The following ZFPM2 variants were observed in gnomAD, a reference collection of about 807,000 sequenced individuals.
ZFPM2 encodes the protein zinc finger protein ZFPM2.
Under a neutral mutation model 98.6 loss-of-function variants are expected in ZFPM2, and 20 were observed. The ratio of observed to expected loss-of-function variants is 0.20; its 90% CI spans 0.14 to 0.29. The LOEUF (loss-of-function observed/expected upper bound fraction) is 0.29. ZFPM2 is among the 10% of genes least tolerant of loss of function. The probability of loss-of-function intolerance (pLI) is 1.00; values close to 1 mark genes in which losing one functional copy is unlikely to be tolerated. For missense variants in ZFPM2, 1,310 were observed against 1,388.6 expected, an observed-to-expected ratio of 0.94 and a Z score of 0.90; for synonymous variants, 518 against 502.7, an observed-to-expected ratio of 1.03 and a Z score of -0.41.
At chr8:105,535,462 T>A (rs1814429670) in intron 3 of ZFPM2, among the ~76,000 whole-genome samples, 1 of 152,152 alleles carries the variant, frequency 6.6e-6, no homozygotes, top group African/African-American at 2.4e-5. Context: ...ATGTTGCATA[T>A]AATAAACAGG....
In ZFPM2 at chr8:105,512,916, CT is replaced by C. The variant is rs563816167; in HGVS notation, c.302-48440del. On this transcript the variant is annotated intron_variant, in intron 3 of 7. Coordinates refer to ENST00000407775, the MANE Select transcript of ZFPM2 (RefSeq NM_012082.4). ...TGTGTGTGCATGTTTCAAAATTTTT[CT>C]TTTTTTCACCTTTTAAATGTAGAAA... Among the ~76,000 whole-genome samples the C allele has an allele frequency of 4.0e-3, 606 of 152,078 alleles. 5 individuals carry two copies. The highest frequency in any genetic ancestry group is 0.014 in the African/African-American group (580 of 41,510).
chr8:105,480,983 C>CACGT (rs1813105008), intron 3 of ZFPM2, among the ~76,000 whole-genome samples: 1 of 152,098 alleles, frequency 6.6e-6, no homozygotes, highest in Non-Finnish European at 1.5e-5. Context: ...AACTCCTGAC[C>CACGT]ACGTGATCCA....
chr8:105,744,269 C>T (rs115320672), intron 5 of ZFPM2, among the ~76,000 whole-genome samples: 252 of 152,162 alleles, frequency 1.7e-3, no homozygotes, highest in African/African-American at 5.8e-3. Flanking sequence ...CCATGGTGCA[C>T]AAAATATGTG....
At chr8:105,748,842 A>G (rs1206763862) in intron 5 of ZFPM2, among the ~76,000 whole-genome samples, 2 of 152,086 alleles carry the variant, frequency 1.3e-5, no homozygotes. Flanking sequence ...GGAAAAAAAT[A>G]AAAAGAATTG....
intron 3 of ZFPM2, among the ~76,000 whole-genome samples, chr8:105,556,218 A>T (rs374309905): frequency 5.3e-5 from 8 of 152,218 alleles, no homozygotes; most frequent in African/African-American, 1.4e-4. Flanking sequence ...AAATGCTGAT[A>T]AGAAGGGTGA....
chr8:105,380,705 A>ATATATATATTATATATAACATATAT (rs1554599633), intron 1 of ZFPM2, among the ~76,000 whole-genome samples: 1 of 16,000 alleles, frequency 6.3e-5, no homozygotes, highest in Non-Finnish European at 9.9e-5. Context: ...AACATATATA[A>ATATATATATTATATATAACATATAT]TATATATATA....
intron 5 of ZFPM2, among the ~76,000 whole-genome samples, chr8:105,764,511 C>A (rs2131078655): frequency 6.6e-6 from 1 of 151,266 alleles, no homozygotes; most frequent in South Asian, 2.1e-4. Flanking sequence ...TGAATCAATA[C>A]TTTTATTTAG....
intron 3 of ZFPM2, among the ~76,000 whole-genome samples, chr8:105,547,888 T>G (rs995111466): frequency 2.0e-5 from 3 of 152,202 alleles, no homozygotes; most frequent in African/African-American, 7.2e-5. Flanking sequence ...GATGCAGTTT[T>G]ACAAATATCC....
At chr8:105,504,301 AGAG>A (rs1271955166) in intron 3 of ZFPM2, among the ~76,000 whole-genome samples, 2 of 152,212 alleles carry the variant, frequency 1.3e-5, no homozygotes, top group Admixed American at 1.3e-4. Flanking sequence ...CAGCAGGAGC[AGAG>A]GAGAAGTGGA....
At chr8:105,743,463 C>T (rs780556118) in intron 5 of ZFPM2, among the ~76,000 whole-genome samples, 6 of 152,062 alleles carry the variant, frequency 3.9e-5, no homozygotes, top group South Asian at 2.1e-4. Context: ...CTATGCATGT[C>T]GGGAAAGAAT....
intron 3 of ZFPM2, among the ~76,000 whole-genome samples, chr8:105,499,994 C>T (rs539907941): frequency 6.6e-6 from 1 of 152,240 alleles, no homozygotes; most frequent in Admixed American, 6.5e-5. Context: ...ATCTTGGATA[C>T]GTTTTGTTTC....
chr8:105,520,483 G>A (rs2130544611), intron 3 of ZFPM2, among the ~76,000 whole-genome samples: 1 of 152,184 alleles, frequency 6.6e-6, no homozygotes, highest in South Asian at 2.1e-4. Flanking sequence ...GTAACACTAA[G>A]AGAAAAAATA....
At chr8:105,710,134 A>AT (rs918594782) in intron 5 of ZFPM2, among the ~76,000 whole-genome samples, 1 of 151,650 alleles carries the variant, frequency 6.6e-6, no homozygotes, top group Non-Finnish European at 1.5e-5. Context: ...TTCAACTGAG[A>AT]TAAAAAAAAC....
chr8:105,774,015 A>G (rs1813042157), intron 5 of ZFPM2, among the ~76,000 whole-genome samples: 1 of 152,210 alleles, frequency 6.6e-6, no homozygotes, highest in South Asian at 2.1e-4. Flanking sequence ...TTAGCGTCTG[A>G]CAGTTTTCAT....
At chr8:105,547,975 G>A (rs957952240) in intron 3 of ZFPM2, among the ~76,000 whole-genome samples, 8 of 151,448 alleles carry the variant, frequency 5.3e-5, no homozygotes, top group Non-Finnish European at 8.8e-5. Flanking sequence ...TTTTAACCAT[G>A]TGAAGTTTTG....
At chr8:105,714,050 G>T (rs1811463130) in intron 5 of ZFPM2, among the ~76,000 whole-genome samples, 1 of 152,074 alleles carries the variant, frequency 6.6e-6, no homozygotes, top group Non-Finnish European at 1.5e-5. Context: ...GTTTTGGGCA[G>T]TATGGACATT....
At chr8:105,752,640 T>C (rs1260712224) in intron 5 of ZFPM2, among the ~76,000 whole-genome samples, 3 of 152,278 alleles carry the variant, frequency 2.0e-5, no homozygotes, top group Middle Eastern at 3.4e-3. Context: ...TTAATCTGTT[T>C]TTAAAATTAA....
intron 5 of ZFPM2, among the ~76,000 whole-genome samples, chr8:105,767,227 A>G (rs1038761813): frequency 1.3e-5 from 2 of 151,970 alleles, no homozygotes; most frequent in African/African-American, 4.8e-5. Flanking sequence ...CATCCTGTAT[A>G]GTGACTTTAA....
At chr8:105,364,010 A>T (rs1210774822) in intron 1 of ZFPM2, among the ~76,000 whole-genome samples, 1 of 152,094 alleles carries the variant, frequency 6.6e-6, no homozygotes, top group Admixed American at 6.6e-5. Context: ...TTTGTAGAGA[A>T]AGAAGAGGAA....
Sources: gnomAD v4.1 joint callset for allele counts (sites outside exome capture counted in the v4.1 genomes callset) on GRCh38, gnomAD v4.1.1 for gene constraint, MANE v1.5 for transcripts, NCBI Gene and HGNC (gene_info 2026-07-23, HGNC 2026-07-21) for gene names.